HHAT: variants seen among roughly 807,000 people sequenced by gnomAD.
HHAT encodes the protein hedgehog acyltransferase.
A neutral mutation model predicts 70.8 loss-of-function variants in HHAT; 47 were observed. The ratio of observed to expected loss-of-function variants is 0.66; its 90% CI spans 0.53 to 0.85. The LOEUF (loss-of-function observed/expected upper bound fraction) is 0.85. HHAT is among the 40% of genes least tolerant of loss of function. The pLI is 0.00. For synonymous variants in HHAT, 228 were observed against 247.6 expected (o/e 0.92, Z 0.74); for missense variants, 609 against 604.8 (o/e 1.01, Z -0.07).
intron 9 of HHAT, among the ~76,000 whole-genome samples, chr1:210,577,216 T>A (rs1339416556): frequency 2.0e-5 from 3 of 152,192 alleles, no homozygotes; most frequent in Non-Finnish European, 2.9e-5. Flanking sequence ...TTTCCAATAC[T>A]ATGTTGAAAA....
chr1:210,503,178 T>G (rs1017586304), intron 8 of HHAT, among the ~76,000 whole-genome samples: 1 of 152,202 alleles, frequency 6.6e-6, no homozygotes, highest in Non-Finnish European at 1.5e-5. Flanking sequence ...CAGGCTGGTC[T>G]CGAACTCCTG....
intron 5 of HHAT, among the ~76,000 whole-genome samples, chr1:210,402,751 CA>C (rs1489621658): frequency 1.3e-5 from 2 of 152,192 alleles, no homozygotes; most frequent in Non-Finnish European, 2.9e-5. Context: ...ATTCTTTCTT[CA>C]ATCACTGTGG....
At chr1:210,507,276 A>G (rs200166073) in intron 8 of HHAT, among the ~76,000 whole-genome samples, 2 of 152,182 alleles carry the variant, frequency 1.3e-5, no homozygotes, top group East Asian at 3.9e-4. Flanking sequence ...TAAGAAAACA[A>G]TGTGTATTCT....
intron 9 of HHAT, among the ~76,000 whole-genome samples, chr1:210,570,051 T>C (rs978377384): frequency 1.3e-5 from 2 of 152,182 alleles, no homozygotes; most frequent in African/African-American, 4.8e-5. Context: ...TTGATTCTAG[T>C]GGACAGTCAC....
At chr1:210,406,435 C>T (rs2092333458) in intron 6 of HHAT, among the ~76,000 whole-genome samples, 1 of 151,698 alleles carries the variant, frequency 6.6e-6, no homozygotes, top group Admixed American at 6.6e-5. Context: ...ACTCTGTCAC[C>T]CAGGCTGGAG....
At chr1:210,418,739 T>G (rs1416496064) in intron 7 of HHAT, among the ~76,000 whole-genome samples, 1 of 152,148 alleles carries the variant, frequency 6.6e-6, no homozygotes, top group Non-Finnish European at 1.5e-5. Flanking sequence ...CATAAGGTAT[T>G]AAAGAATATG....
chr1:210,385,617 A>G (rs2090987454), intron 3 of HHAT, among the ~76,000 whole-genome samples: 1 of 152,224 alleles, frequency 6.6e-6, no homozygotes, highest in Non-Finnish European at 1.5e-5. Flanking sequence ...GTCATGTATC[A>G]GGATCTGGGG....
chr1:210,520,306 C>A (rs758272408), intron 9 of HHAT, among the ~76,000 whole-genome samples: 1 of 152,168 alleles, frequency 6.6e-6, no homozygotes, highest in African/African-American at 2.4e-5. Context: ...TGAGCCACTG[C>A]GCCTGACCCA....
intron 7 of HHAT, among the ~76,000 whole-genome samples, chr1:210,434,688 C>G (rs2148335762): frequency 6.6e-6 from 1 of 151,792 alleles, no homozygotes; most frequent in East Asian, 1.9e-4. Context: ...CAACTGTGGG[C>G]TCAGTTGTAG....
At chr1:210,638,112 C>G (rs2148905392) in intron 11 of HHAT, among the ~76,000 whole-genome samples, 1 of 152,274 alleles carries the variant, frequency 6.6e-6, no homozygotes, top group Middle Eastern at 3.4e-3. Context: ...AAATGGAAAA[C>G]AGTTTGGGCT....
intron 8 of HHAT, among the ~76,000 whole-genome samples, chr1:210,475,134 T>G (rs890597814): frequency 6.6e-6 from 1 of 152,108 alleles, no homozygotes; most frequent in African/African-American, 2.4e-5. Flanking sequence ...GTGTTGGGAT[T>G]ACAGGTGTGA....
At position 210,464,575 on chromosome 1, in the gene HHAT, G is replaced by GA. The variant is rs763014616; in HGVS notation, c.927_928insA (p.Leu310ThrfsTer30). Reference sequence around the variant, plus strand: ...TGGTGCTCTTTGGCGTGCCTGCTCTGCTCATGCGCCTGGATGGACTCACTC... The same window carrying GA: ...TGGTGCTCTTTGGCGTGCCTGCTCTGACTCATGCGCCTGGATGGACTCACTC... On this transcript the variant is annotated frameshift_variant, in exon 8 of 12. Transcript: ENST00000261458. LOFTEE classifies it high-confidence loss of function. The GA allele has an allele frequency of 1.2e-6, 2 of 1,614,168 alleles. No homozygotes were observed. The highest frequency in any genetic ancestry group is 2.2e-5 in the South Asian group (2 of 91,088).
chr1:210,618,177 C>A (rs968686777), intron 10 of HHAT, among the ~76,000 whole-genome samples: 31 of 152,222 alleles, frequency 2.0e-4, no homozygotes, highest in African/African-American at 7.5e-4. Context: ...CAGGTTGGCA[C>A]AGAGATGGGA....
At chr1:210,637,000 C>T (rs1461817610) in intron 11 of HHAT, among the ~76,000 whole-genome samples, 1 of 152,178 alleles carries the variant, frequency 6.6e-6, no homozygotes, top group Non-Finnish European at 1.5e-5. Flanking sequence ...CCTAACCTCT[C>T]TACTACTCAA....
chr1:210,332,703 G>A (rs1351476997), intron 1 of HHAT, among the ~76,000 whole-genome samples: 1 of 152,192 alleles, frequency 6.6e-6, no homozygotes, highest in African/African-American at 2.4e-5. Flanking sequence ...TCTCCATGTG[G>A]TGAAGCAGTT....
In HHAT at chr1:210,418,248, T is replaced by C; in HGVS notation, c.779T>C (p.Leu260Pro). The change falls in exon 7 of 12, where the codon CTG becomes CCG. Residue 260 changes from leucine (L) to proline (P), a missense_variant. Coordinates refer to ENST00000261458, the MANE Select transcript of HHAT (RefSeq NM_018194.6). The part of the protein sequence containing the change: ...RLLCWWWLAE[L>P]MAHLMYMHAI... ...CTTTGCTGGTGGTGGCTGGCCGAGC[T>C]GATGGCTCACCTGATGTACATGCAT... is the stretch of plus-strand genomic sequence containing the variant. The C allele has an allele frequency of 6.2e-7, 1 of 1,614,014 alleles. No homozygotes were observed. The highest frequency in any genetic ancestry group is 8.5e-7 in the Non-Finnish European group (1 of 1,179,964).
intron 10 of HHAT, among the ~76,000 whole-genome samples, chr1:210,605,745 C>T (rs1665267887): frequency 6.6e-6 from 1 of 152,148 alleles, no homozygotes; most frequent in Non-Finnish European, 1.5e-5. Flanking sequence ...CCATTCATCC[C>T]ATTCTTGGGT....
At chr1:210,421,675 C>T (rs2092908534) in intron 7 of HHAT, among the ~76,000 whole-genome samples, 1 of 152,084 alleles carries the variant, frequency 6.6e-6, no homozygotes, top group Non-Finnish European at 1.5e-5. Context: ...GAACTCCTGA[C>T]CTCAAGTGAT....
intron 3 of HHAT, among the ~76,000 whole-genome samples, chr1:210,372,450 C>T (rs902395265): frequency 2.0e-5 from 3 of 152,240 alleles, no homozygotes; most frequent in African/African-American, 7.2e-5. Context: ...AATGTCTTCT[C>T]TCCCACAACC....
Sources: allele counts gnomAD v4.1 joint callset (sites outside exome capture counted in the v4.1 genomes callset), GRCh38; gene constraint gnomAD v4.1.1; transcripts MANE v1.5; gene names NCBI Gene and HGNC (gene_info 2026-07-23, HGNC 2026-07-21).